Variants in SLC39A11 observed in about 807,000 individuals in gnomAD.
The protein encoded by SLC39A11 is zinc transporter ZIP11.
Under a neutral mutation model 36.1 loss-of-function variants are expected in SLC39A11, and 33 were observed. The observed-to-expected ratio is 0.91, with a 90% CI of 0.69 to 1.22. The LOEUF is 1.22. Ranked by LOEUF, SLC39A11 falls within the 50% of genes most tolerant of loss-of-function variation. The pLI, the probability that SLC39A11 is intolerant of heterozygous loss-of-function variation, is 0.00. For synonymous variants in SLC39A11, 166 were observed against 170.3 expected, an observed-to-expected ratio of 0.97 and a Z score of 0.20; for missense variants, 432 against 430.3, an observed-to-expected ratio of 1.00 and a Z score of -0.03.
intron 6 of SLC39A11, among the ~76,000 whole-genome samples, chr17:72,828,400 CA>C (rs1456885727): frequency 2.1e-4 from 32 of 152,212 alleles, no homozygotes; most frequent in African/African-American, 7.5e-4. Flanking sequence ...GGCAGGCAGC[CA>C]TGGGAAGTCG....
intron 7 of SLC39A11, among the ~76,000 whole-genome samples, chr17:72,728,184 C>T (rs145678937): frequency 3.9e-4 from 59 of 152,224 alleles, no homozygotes; most frequent in African/African-American, 1.3e-3. Flanking sequence ...TGGTGGCTCA[C>T]GCCTGTAATC....
At chr17:72,729,443 ATATATATATATATATTTTTTT>A (rs1567995108) in intron 7 of SLC39A11, among the ~76,000 whole-genome samples, 6 of 2,308 alleles carry the variant, frequency 2.6e-3, no homozygotes, top group African/African-American at 0.012. Flanking sequence ...ATATATATAT[ATATATATATATATATTTTTTT>A]TTTTTTTTTT....
At chr17:73,064,311 T>C (rs532784909) in intron 3 of SLC39A11, among the ~76,000 whole-genome samples, 1 of 151,126 alleles carries the variant, frequency 6.6e-6, no homozygotes, top group African/African-American at 2.4e-5. Context: ...AAAGATCAGC[T>C]TCCACCAACA....
chr17:72,854,268 G>A (rs1347136388), intron 5 of SLC39A11, among the ~76,000 whole-genome samples: 1 of 148,916 alleles, frequency 6.7e-6, no homozygotes, highest in East Asian at 2.0e-4. Context: ...GCCTCCAGGA[G>A]CCCCTCTTTT....
intron 4 of SLC39A11, among the ~76,000 whole-genome samples, chr17:72,970,190 G>T (rs897897338): frequency 3.9e-5 from 6 of 152,234 alleles, no homozygotes; most frequent in African/African-American, 1.4e-4. Context: ...ATTTGGTGGA[G>T]TTAGAGAAAA....
At chr17:73,043,713 G>A (rs1181763027) in intron 3 of SLC39A11, among the ~76,000 whole-genome samples, 3 of 152,182 alleles carry the variant, frequency 2.0e-5, no homozygotes, top group African/African-American at 7.2e-5. Context: ...AGAGCAGACA[G>A]AGAAACTTGG....
At chr17:72,758,139 G>A (rs1242245078) in intron 6 of SLC39A11, among the ~76,000 whole-genome samples, 3 of 152,124 alleles carry the variant, frequency 2.0e-5, no homozygotes, top group Admixed American at 6.6e-5. Context: ...ACTCGCCTCC[G>A]CCTCCCAAAG....
intron 3 of SLC39A11, among the ~76,000 whole-genome samples, chr17:73,071,332 A>C (rs2060155880): frequency 6.6e-6 from 1 of 152,260 alleles, no homozygotes; most frequent in Non-Finnish European, 1.5e-5. Flanking sequence ...TGTGACAAGA[A>C]GAATGGAGCA....
At chr17:72,995,809 T>C (rs2089471323) in intron 4 of SLC39A11, among the ~76,000 whole-genome samples, 1 of 152,180 alleles carries the variant, frequency 6.6e-6, no homozygotes. Flanking sequence ...AGACAACAGA[T>C]CTCAGCCTCC....
At chr17:72,893,714 T>C (rs8073395) in intron 5 of SLC39A11, among the ~76,000 whole-genome samples, 21,266 of 151,990 alleles carry the variant, frequency 0.14, 2,776 homozygotes, top group African/African-American at 0.35. Context: ...AAGGTTAGAA[T>C]AAGTTCAAAA....
chr17:72,808,897 A>T (rs1180517440), intron 6 of SLC39A11, among the ~76,000 whole-genome samples: 1 of 152,098 alleles, frequency 6.6e-6, no homozygotes, highest in Non-Finnish European at 1.5e-5. Flanking sequence ...CCAACAAATT[A>T]TCCATAAAAA....
chr17:72,659,600 G>A (rs1168794640), intron 7 of SLC39A11, among the ~76,000 whole-genome samples: 1 of 12,378 alleles, frequency 8.1e-5, no homozygotes. Flanking sequence ...TTTTTTTTTT[G>A]GAGACAGAGT....
intron 5 of SLC39A11, among the ~76,000 whole-genome samples, chr17:72,879,774 C>G (rs1308041692): frequency 6.6e-6 from 1 of 152,206 alleles, no homozygotes; most frequent in Non-Finnish European, 1.5e-5. Flanking sequence ...AAATCTCTCA[C>G]CCTAGACCTT....
intron 7 of SLC39A11, among the ~76,000 whole-genome samples, chr17:72,678,291 G>A (rs527367813): frequency 2.6e-5 from 4 of 152,236 alleles, no homozygotes; most frequent in Admixed American, 1.3e-4. Flanking sequence ...CATTTACAAC[G>A]TGTTTTTTTT....
chr17:72,896,629 TTAA>T (rs1363185538), intron 5 of SLC39A11, among the ~76,000 whole-genome samples: 2 of 152,148 alleles, frequency 1.3e-5, no homozygotes, highest in African/African-American at 4.8e-5. Context: ...ACATCTATTT[TTAA>T]TAATATTTAT....
intron 5 of SLC39A11, among the ~76,000 whole-genome samples, chr17:72,878,046 G>A (rs372813261): frequency 5.1e-5 from 7 of 137,746 alleles, no homozygotes; most frequent in African/African-American, 1.4e-4. Flanking sequence ...TTCAATTCCC[G>A]CCTATGAGTG....
At chr17:72,657,607 G>A (rs897873826) in intron 7 of SLC39A11, among the ~76,000 whole-genome samples, 2 of 152,138 alleles carry the variant, frequency 1.3e-5, no homozygotes, top group Admixed American at 6.5e-5. Flanking sequence ...CAACCATTCC[G>A]GTTCACCAGG....
At chr17:73,026,187 G>GAGAAGAGA (rs1555683082) in intron 4 of SLC39A11, among the ~76,000 whole-genome samples, 30 of 3,590 alleles carry the variant, frequency 8.4e-3, no homozygotes, top group East Asian at 0.02. Context: ...AGAAAGAGAA[G>GAGAAGAGA]AGAGAAGAGA....
intron 4 of SLC39A11, among the ~76,000 whole-genome samples, chr17:73,014,648 C>A (rs1012222164): frequency 1.3e-5 from 2 of 152,168 alleles, no homozygotes. Context: ...CAGAGCGAAA[C>A]CCTTTCACAA....
Sources: allele counts gnomAD v4.1 joint callset (sites outside exome capture counted in the v4.1 genomes callset), GRCh38; gene constraint gnomAD v4.1.1; transcripts MANE v1.5; gene names NCBI Gene and HGNC (gene_info 2026-07-23, HGNC 2026-07-21).